Variants in TMCC1 observed in about 807,000 individuals in gnomAD.
The protein encoded by TMCC1 is transmembrane and coiled-coil domain family 1.
A neutral mutation model predicts 52.4 loss-of-function variants in TMCC1; 15 were observed. The ratio of observed to expected loss-of-function variants is 0.29; its 90% CI spans 0.19 to 0.44. The LOEUF (loss-of-function observed/expected upper bound fraction) is 0.44. Ranked by LOEUF, TMCC1 falls within the 20% of genes least tolerant of loss-of-function variation. The pLI is 1.00. For synonymous variants in TMCC1, 279 were observed against 301.9 expected, an observed-to-expected ratio of 0.92 and a Z score of 0.79; for missense variants, 503 against 806.0, an observed-to-expected ratio of 0.62 and a Z score of 4.55.
intron 4 of TMCC1, among the ~76,000 whole-genome samples, chr3:129,678,516 A>G (rs2088675212): frequency 6.6e-6 from 1 of 151,138 alleles, no homozygotes; most frequent in Non-Finnish European, 1.5e-5. Context: ...GTGTGCCACC[A>G]TGCCCGGCTA....
chr3:129,859,380 C>T (rs974657242), intron 2 of TMCC1, among the ~76,000 whole-genome samples: 1 of 151,988 alleles, frequency 6.6e-6, no homozygotes, highest in African/African-American at 2.4e-5. Context: ...ACGCGTTATC[C>T]CAGCACTTTG....
At chr3:129,883,672 C>G (rs562367439) in intron 1 of TMCC1, among the ~76,000 whole-genome samples, 1 of 151,952 alleles carries the variant, frequency 6.6e-6, no homozygotes, top group Admixed American at 6.6e-5. Flanking sequence ...TGTATTTTAC[C>G]ACAATAAAAA....
intron 4 of TMCC1, among the ~76,000 whole-genome samples, chr3:129,672,283 GT>G (rs1157918121): frequency 1.3e-5 from 2 of 152,024 alleles, no homozygotes; most frequent in Non-Finnish European, 2.9e-5. Context: ...ATTTGAATAG[GT>G]CCCAAAGAAG....
Position 129,828,438 on chromosome 3 carries a change from G to T in TMCC1, c.-60C>A. The T allele has an allele frequency of 6.7e-7, 1 of 1,501,810 alleles. No homozygotes were observed. The highest frequency in any genetic ancestry group is 1.3e-5 in the South Asian group (1 of 78,886). 93.0% of individuals were successfully genotyped at this position (1,501,810 alleles called of 1,614,324 possible). A position where few individuals can be genotyped will look rare whatever the true frequency, so the allele number is the denominator to read the frequency against. On this transcript the variant is annotated 5_prime_UTR_variant, in exon 4 of 7. Transcript: ENST00000393238. The surrounding 1 kb of genome is among the most constrained non-coding windows in gnomAD (Gnocchi z 4.1). The stretch of plus-strand genomic sequence containing the variant: ...AAAATTTTTTAAACACACCAAGAGT[G>T]TCAAATTAGGTAGGCATTTGCTTCA...
intron 4 of TMCC1, among the ~76,000 whole-genome samples, chr3:129,689,671 C>T (rs560588950): frequency 2.0e-5 from 3 of 152,248 alleles, no homozygotes; most frequent in African/African-American, 7.2e-5. Flanking sequence ...TCAGTATTCA[C>T]CAGCTGCGTT....
intron 5 of TMCC1, among the ~76,000 whole-genome samples, chr3:129,660,257 T>C (rs2086935981): frequency 6.6e-6 from 1 of 152,104 alleles, no homozygotes; most frequent in African/African-American, 2.4e-5. Flanking sequence ...TAGTGACCCT[T>C]CCACCTCAGC....
chr3:129,682,762 AC>A (rs2089103578), intron 4 of TMCC1, among the ~76,000 whole-genome samples: 2 of 152,174 alleles, frequency 1.3e-5, no homozygotes, highest in Admixed American at 1.3e-4. Context: ...CTCCTTATAA[AC>A]CTGTTTTCAT....
intron 2 of TMCC1, among the ~76,000 whole-genome samples, chr3:129,877,505 C>G (rs2061271220): frequency 1.3e-5 from 2 of 152,118 alleles, no homozygotes; most frequent in Admixed American, 6.6e-5. Flanking sequence ...AGATCTCATC[C>G]AGCTTTCTGG....
intron 2 of TMCC1, among the ~76,000 whole-genome samples, chr3:129,868,721 T>C (rs2060775210): frequency 6.6e-6 from 1 of 152,216 alleles, no homozygotes; most frequent in South Asian, 2.1e-4. Context: ...ATTACAGGCG[T>C]GAGCCACTGC....
chr3:129,709,757 G>C (rs1176823036), intron 4 of TMCC1, among the ~76,000 whole-genome samples: 1 of 152,006 alleles, frequency 6.6e-6, no homozygotes, highest in Middle Eastern at 3.2e-3. Context: ...TCAGAAGACT[G>C]ACACTCTCAA....
intron 5 of TMCC1, among the ~76,000 whole-genome samples, chr3:129,658,380 A>C (rs2086806286): frequency 6.6e-6 from 1 of 151,864 alleles, no homozygotes; most frequent in African/African-American, 2.4e-5. Flanking sequence ...ATATACAGAC[A>C]CTCTTTGACT....
At chr3:129,748,950 G>A (rs1214308854) in intron 4 of TMCC1, among the ~76,000 whole-genome samples, 1 of 152,000 alleles carries the variant, frequency 6.6e-6, no homozygotes. Context: ...CTTTGAAGCT[G>A]GGATGTGGAG....
rs375571431 is a variant in TMCC1 at position 129,837,763 on chromosome 3, T to A, written c.-183-4937A>T. Among the ~76,000 whole-genome samples, 30 of 152,128 alleles carry A rather than the reference T, an allele frequency of 2.0e-4. No homozygotes were observed. The East Asian group carries it at 5.6e-3, about 28-fold the overall frequency. ...GTGATTAATACAGTAAAAACTCTAA[T>A]GAAAGAGGTAGACAACATATGAGAT... On this transcript the variant is annotated intron_variant, in intron 2 of 6. Transcript: ENST00000393238.
At chr3:129,669,360 T>C (rs900994612) in intron 5 of TMCC1, among the ~76,000 whole-genome samples, 5 of 152,130 alleles carry the variant, frequency 3.3e-5, no homozygotes, top group African/African-American at 1.2e-4. Context: ...GTAGCTCCCA[T>C]AAGACTAGTC....
chr3:129,867,040 C>A (rs780298782), intron 2 of TMCC1: 1 of 151,944 alleles, frequency 6.6e-6, no homozygotes, highest in Non-Finnish European at 1.5e-5. Context: ...ATTACGACAT[C>A]ATGATCCTTC....
At chr3:129,756,316 A>G (rs1050491733) in intron 4 of TMCC1, among the ~76,000 whole-genome samples, 2 of 152,230 alleles carry the variant, frequency 1.3e-5, no homozygotes, top group Non-Finnish European at 2.9e-5. Flanking sequence ...AGAATAGGTA[A>G]CTGAACTGTA....
At chr3:129,859,412 G>C (rs1207396025) in intron 2 of TMCC1, among the ~76,000 whole-genome samples, 2 of 152,108 alleles carry the variant, frequency 1.3e-5, no homozygotes, top group African/African-American at 4.8e-5. Context: ...TGAGGCAGGA[G>C]GATCACTTGA....
intron 4 of TMCC1, among the ~76,000 whole-genome samples, chr3:129,768,829 T>C (rs903316043): frequency 6.6e-6 from 1 of 152,236 alleles, no homozygotes; most frequent in African/African-American, 2.4e-5. Context: ...TTTTTCTATT[T>C]AATCCTTTTG....
rs2087910926 is a variant in TMCC1, at chr3:129,671,226, G to A, written c.615C>T (p.Ser205=). ...CATCGGTACTGGAGGCCACTGCACT[G>A]GATGTTTGGGCAAGGCTGCTTACTT... ...RLEVSSLAQT[S]SAVASSTDGS... The change falls in exon 5 of 7, where the codon TCC becomes TCT. Residue 205 remains serine, a synonymous_variant. Coordinates refer to ENST00000393238, the MANE Select transcript of TMCC1 (RefSeq NM_001017395.5). The A allele has an allele frequency of 1.2e-6, 2 of 1,613,612 alleles. No individual in the cohort carries two copies.
Sources: allele counts gnomAD v4.1 joint callset (sites outside exome capture counted in the v4.1 genomes callset), GRCh38; gene constraint gnomAD v4.1.1; non-coding constraint Gnocchi (gnomAD v3.1); transcripts MANE v1.5; gene names NCBI Gene and HGNC (gene_info 2026-07-23, HGNC 2026-07-21).